C18orf63: variants seen among roughly 807,000 people sequenced by gnomAD.
C18orf63 encodes the protein uncharacterized protein C18orf63.
In C18orf63, 50 loss-of-function variants were observed where a neutral mutation model predicts 75.3. The observed-to-expected ratio is 0.66, with a 90% CI of 0.53 to 0.84. The LOEUF is 0.84. C18orf63 is among the 40% of genes least tolerant of loss of function. The pLI is 0.00. For missense variants in C18orf63, 732 were observed against 800.2 expected (o/e 0.91, Z 1.03); for synonymous variants, 232 against 267.6 (o/e 0.87, Z 1.30).
At chr18:74,339,803 TACAAAATC>T (rs1984450118) in intron 8 of C18orf63, among the ~76,000 whole-genome samples, 1 of 152,160 alleles carries the variant, frequency 6.6e-6, no homozygotes. Flanking sequence ...AGTTGCAGAA[TACAAAATC>T]ACATAAAAAA....
chr18:74,317,994 G>C lies in C18orf63; in HGVS notation c.129G>C (p.Met43Ile). Residue 43 changes from methionine to isoleucine, a missense_variant, in exon 2 of 14, where the codon ATG becomes ATC. Coordinates refer to ENST00000579455, the MANE Select transcript of C18orf63 (RefSeq NM_001174123.2). Reference protein sequence around the residue: ...DTEIRTIQMKMCRQLLFLHQD... With the variant: ...DTEIRTIQMKICRQLLFLHQD... ...AGATTAGGACTATACAAATGAAGAT[G>C]TGCAGGTAAAAAAATACATCTTATA... is the stretch of plus-strand genomic sequence containing the variant. 2 of 1,485,612 alleles carry C rather than the reference G, an allele frequency of 1.3e-6. No homozygotes were observed. The highest frequency in any genetic ancestry group is 1.8e-6 in the Non-Finnish European group (2 of 1,119,926). The allele number at this position is 1,485,612 out of a possible 1,614,324, so 92.0% of individuals were successfully genotyped here. A position where few individuals can be genotyped will look rare whatever the true frequency, so the allele number is the denominator to read the frequency against.
At chr18:74,325,271 T>C (rs1984189457) in intron 4 of C18orf63, among the ~76,000 whole-genome samples, 1 of 152,210 alleles carries the variant, frequency 6.6e-6, no homozygotes. Context: ...AATTCCTGTT[T>C]GATTTCTTTT....
chr18:74,349,448 C>A (rs1370055571), intron 11 of C18orf63, among the ~76,000 whole-genome samples: 1 of 152,080 alleles, frequency 6.6e-6, no homozygotes, highest in Non-Finnish European at 1.5e-5. Context: ...CAGTCCATGG[C>A]TTGTTAGGAA....
intron 8 of C18orf63, among the ~76,000 whole-genome samples, chr18:74,340,965 A>G (rs768266550): frequency 5.3e-5 from 8 of 152,142 alleles, no homozygotes; most frequent in Non-Finnish European, 7.3e-5. Context: ...TATAGTTAAT[A>G]AAAATGTATT....
At chr18:74,326,434 T>C (rs1473072869) in intron 4 of C18orf63, among the ~76,000 whole-genome samples, 2 of 152,222 alleles carry the variant, frequency 1.3e-5, no homozygotes, top group African/African-American at 4.8e-5. Context: ...CTTCCTCACA[T>C]GTCTGTGCTA....
At chr18:74,344,103 T>C (rs1325908228) in intron 11 of C18orf63, among the ~76,000 whole-genome samples, 4 of 152,090 alleles carry the variant, frequency 2.6e-5, no homozygotes, top group Non-Finnish European at 5.9e-5. Context: ...TGGAACCACT[T>C]AGAGACTGAA....
chr18:74,349,131 C>T (rs1407490598), intron 11 of C18orf63, among the ~76,000 whole-genome samples: 1 of 152,072 alleles, frequency 6.6e-6, no homozygotes, highest in Non-Finnish European at 1.5e-5. Context: ...GTTTATAGAA[C>T]CCAAGGGTCC....
chr18:74,327,817 G>A, intron 4 of C18orf63, 130 bp from the exon 5 acceptor site: 2 of 615,664 alleles, frequency 3.2e-6, no homozygotes, highest in Non-Finnish European at 5.8e-6. Context: ...TCTAGCAATG[G>A]CTATAAGTTT....
chr18:74,326,510 G>C (rs576031400), intron 4 of C18orf63, among the ~76,000 whole-genome samples: 26 of 152,292 alleles, frequency 1.7e-4, no homozygotes, highest in African/African-American at 5.8e-4. Context: ...TTTCTGTGCA[G>C]CTCCCATACT....
chr18:74,321,158 C>T lies in C18orf63; in HGVS notation c.213+567C>T, dbSNP rs182566030. 4.4e-3 allele frequency among the ~76,000 whole-genome samples: 668 copies of T among 152,220 alleles called. 2 individuals are homozygous for T. The South Asian group carries it at 0.047, about 11-fold the overall frequency. On this transcript the variant is annotated intron_variant, in intron 3 of 13. Transcript: ENST00000579455. ...AAATCTTCCTGGAAATTCTGTTTTT[C>T]TGATATTTTAATTCCCAGAATCCAG...
At chr18:74,343,830 T>C in intron 11 of C18orf63, 128 bp downstream of exon 11, 1 of 456,612 alleles carries the variant, frequency 2.2e-6, no homozygotes, top group Non-Finnish European at 3.8e-6. Context: ...AGTTCAATGC[T>C]TCCCTAAAAC....
intron 2 of C18orf63, 81 bp from the exon 3 acceptor site, chr18:74,320,432 T>C (rs997020694): frequency 2.1e-6 from 2 of 951,734 alleles, no homozygotes; most frequent in Non-Finnish European, 1.6e-6. Context: ...ACACTGGGGA[T>C]TATAATTCAA....
Position 74,353,368 on chromosome 18 carries a change from C to T in C18orf63, c.1101C>T (p.Asp367=). 6.5e-7 allele frequency: 1 copy of T among 1,536,390 alleles called. No homozygotes were observed. Among genetic ancestry groups the T allele is most frequent in the South Asian group, 1.2e-5 (1 of 84,060 alleles). Residue 367 remains aspartate, a synonymous_variant, in exon 12 of 14, where the codon GAC becomes GAT. Transcript: ENST00000579455. ...TTCTACCATGTTCAGTAGCAGTGGACCACAAGGTGGAGCTTTCAGTCAGCC... is the reference window on the plus strand; with the variant it reads ...TTCTACCATGTTCAGTAGCAGTGGATCACAAGGTGGAGCTTTCAGTCAGCC... ...QSLLPCSVAV[D]HKVELSVSQP... is the part of the protein sequence containing the mutation.
chr18:74,325,933 A>T (rs1161559118), intron 4 of C18orf63, among the ~76,000 whole-genome samples: 1 of 152,208 alleles, frequency 6.6e-6, no homozygotes, highest in South Asian at 2.1e-4. Context: ...GAATTGCCCC[A>T]TACTTCCTCT....
intron 7 of C18orf63, among the ~76,000 whole-genome samples, chr18:74,334,779 A>T (rs1984364582): frequency 6.6e-6 from 1 of 152,148 alleles, no homozygotes. Context: ...CTATAAGATG[A>T]AATCTCAGCT....
In C18orf63 at chr18:74,349,166, C is replaced by T. The variant is rs2145130760; in HGVS notation, c.979-4080C>T. Among the ~76,000 whole-genome samples, 2 of 152,180 alleles carry T rather than the reference C, an allele frequency of 1.3e-5. 1 individual carries two copies. The highest frequency in any genetic ancestry group is 4.8e-5 in the African/African-American group (2 of 41,532). ...CAAACAGTGGGTGTTCTTTGCTTTT[C>T]TATAATTCATTTTAATTCTTTAACT... On this transcript the variant is annotated intron_variant, in intron 11 of 13. Transcript: ENST00000579455.
intron 7 of C18orf63, among the ~76,000 whole-genome samples, chr18:74,337,047 C>G (rs1984402896): frequency 6.6e-6 from 1 of 151,960 alleles, no homozygotes; most frequent in East Asian, 1.9e-4. Flanking sequence ...CTAATTTTTC[C>G]TTACAATGTC....
Position 74,329,029 on chromosome 18 carries a change from T to G in C18orf63, c.417T>G (p.Ser139Arg). 1 of 1,504,710 alleles carries G rather than the reference T, an allele frequency of 6.6e-7. No individual in the cohort carries two copies. The highest frequency in any genetic ancestry group is 2.5e-5 in the East Asian group (1 of 40,730). The allele number at this position is 1,504,710 out of a possible 1,614,324, so 93.2% of individuals were successfully genotyped here. A position where few individuals can be genotyped will look rare whatever the true frequency, so the allele number is the denominator to read the frequency against. The change falls in exon 6 of 14, where the codon AGT becomes AGG. Residue 139 changes from serine to arginine, a missense_variant. By Grantham distance (110) the Ser-to-Arg change is moderately radical. Coordinates refer to ENST00000579455, the MANE Select transcript of C18orf63 (RefSeq NM_001174123.2). Reference sequence around the variant, plus strand: ...TTCTTTCTCAGATGGGAAAACAAAGTGCTGTTGGTAAGTAAAAATGCATAA... The same window carrying G: ...TTCTTTCTCAGATGGGAAAACAAAGGGCTGTTGGTAAGTAAAAATGCATAA... The part of the protein sequence containing the change: ...RDFLSQMGKQ[S>R]AVVLNINVTE...
chr18:74,317,955 G>C lies in C18orf63; in HGVS notation c.90G>C (p.Lys30Asn), dbSNP rs1984054344. Reference sequence around the variant, plus strand: ...CTGTCAGAATAATACTGAGTAATAAGGTGGCAGATACTGAGATTAGGACTA... The same window carrying C: ...CTGTCAGAATAATACTGAGTAATAACGTGGCAGATACTGAGATTAGGACTA... ...LCAVRIILSN[K>N]VADTEIRTIQ... is the part of the protein sequence containing the mutation. The change falls in exon 2 of 14, where the codon AAG becomes AAC. Residue 30 changes from lysine to asparagine, a missense_variant. Around this residue, in one of 3 missense-constraint regions of C18orf63, gnomAD observed 233 missense variants for 272.7 expected, o/e 0.85. Transcript: ENST00000579455. 2.6e-6 allele frequency: 4 copies of C among 1,532,572 alleles called. No individual in the cohort carries two copies. Among genetic ancestry groups the C allele is most frequent in the Non-Finnish European group, 3.5e-6 (4 of 1,144,400 alleles). The allele number at this position is 1,532,572 out of a possible 1,614,324, so 94.9% of individuals were successfully genotyped here.
Sources: gnomAD v4.1 joint callset for allele counts (sites outside exome capture counted in the v4.1 genomes callset) on GRCh38, gnomAD v4.1.1 for gene constraint, gnomAD v4.1.1 regional missense constraint, MANE v1.5 for transcripts, NCBI Gene and HGNC (gene_info 2026-07-23, HGNC 2026-07-21) for gene names.